BCAS3: variants seen among roughly 807,000 people sequenced by gnomAD.
BCAS3 encodes the protein BCAS3 microtubule associated cell migration factor, also known as BCAS4/BCAS3 fusion.
Under a neutral mutation model 116.1 loss-of-function variants are expected in BCAS3, and 53 were observed. The observed-to-expected ratio is 0.46, with a 90% CI of 0.37 to 0.57. BCAS3 has a LOEUF of 0.57. BCAS3 is among the 20% of genes least tolerant of loss of function. The pLI, the probability that BCAS3 is intolerant of heterozygous loss-of-function variation, is 0.00. For synonymous variants in BCAS3, 391 were observed against 408.2 expected (o/e 0.96, Z 0.51); for missense variants, 917 against 1,165.4 (o/e 0.79, Z 3.10).
chr17:60,747,655 T>A lies in BCAS3; in HGVS notation c.403+376T>A, dbSNP rs1361590108. 2.0e-5 allele frequency among the ~76,000 whole-genome samples: 3 copies of A among 152,124 alleles called. No homozygotes were observed. The East Asian group carries it at 5.8e-4, about 29-fold the overall frequency. ...TGTTATGTTTCTGGCTTAGCTTTCT[T>A]CTGTGGGTATTCCTCAAGTCTCTAT... On this transcript the variant is annotated intron_variant, in intron 6 of 23. Coordinates refer to ENST00000407086, the MANE Select transcript of BCAS3 (RefSeq NM_017679.5).
At position 60,683,959 on chromosome 17, in the gene BCAS3, T is replaced by G. The variant is rs752180398; in HGVS notation, c.84-23T>G. ...CTATATTAAGCTCTCCTGACCAGTG[T>G]TGTCCATTTCACCCTTTTCCAGAGA... On this transcript the variant is annotated intron_variant, in intron 2 of 23. Coordinates refer to ENST00000407086, the MANE Select transcript of BCAS3 (RefSeq NM_017679.5). 8 of 1,605,180 alleles carry G rather than the reference T, an allele frequency of 5.0e-6. No individual in the cohort carries two copies. The South Asian group carries it at 8.8e-5, about 18-fold the overall frequency.
rs908219903 is a variant in BCAS3 at position 61,391,748 on chromosome 17, G to T, written c.2594-229G>T. 9.0e-6 allele frequency: 5 copies of T among 555,476 alleles called. No individual in the cohort carries two copies. The highest frequency in any genetic ancestry group is 1.9e-5 in the African/African-American group (1 of 52,484). 34.4% of individuals were successfully genotyped at this position (555,476 alleles called of 1,614,324 possible). On this transcript the variant is annotated intron_variant, in intron 23 of 23. Coordinates refer to ENST00000407086, the MANE Select transcript of BCAS3 (RefSeq NM_017679.5). This position sits in a 1 kb window ranked among gnomAD's most constrained non-coding sequence, Gnocchi z 7.7. ...AAAGGGCTTCCCGCAGCAGGGAGAC[G>T]GTGCTCTCACACCAGAGTCTGCCAG...
chr17:60,939,115 C>T (rs1421257983), intron 13 of BCAS3, among the ~76,000 whole-genome samples: 1 of 152,102 alleles, frequency 6.6e-6, no homozygotes, highest in African/African-American at 2.4e-5. Context: ...ATGTTCATAG[C>T]TGTTTGAGTT....
chr17:60,775,668 C>A (rs1270310030), intron 6 of BCAS3, among the ~76,000 whole-genome samples: 1 of 151,774 alleles, frequency 6.6e-6, no homozygotes. Context: ...CAGTAACAAC[C>A]AGACACACTA....
At chr17:61,268,969 C>T (rs1019509042) in intron 22 of BCAS3, among the ~76,000 whole-genome samples, 29 of 151,956 alleles carry the variant, frequency 1.9e-4, no homozygotes, top group African/African-American at 6.5e-4. Flanking sequence ...GAATAATATT[C>T]CCCTGTATAT....
chr17:61,181,545 G>T lies in BCAS3; in HGVS notation c.2425+96981G>T, dbSNP rs2079482137. On this transcript the variant is annotated intron_variant, in intron 22 of 23. Coordinates refer to ENST00000407086, the MANE Select transcript of BCAS3 (RefSeq NM_017679.5). The surrounding 1 kb of genome is among the most constrained non-coding windows in gnomAD (Gnocchi z 5.0). ...TTTAATCATTTCCCTTTGATAGTCT[G>T]GTCATTTCTTTTGTCTTTTGAAGAA... 6.6e-6 allele frequency among the ~76,000 whole-genome samples: 1 copy of T among 152,102 alleles called. No homozygotes were observed. The highest frequency in any genetic ancestry group is 1.5e-5 in the Non-Finnish European group (1 of 68,014).
At chr17:61,042,891 CAAAAAAAAAA>C (rs35629825) in intron 19 of BCAS3, among the ~76,000 whole-genome samples, 28 of 58,320 alleles carry the variant, frequency 4.8e-4, no homozygotes, top group African/African-American at 1.4e-3. Context: ...CTCCATCTCA[CAAAAAAAAAA>C]AAAAAAAAAA....
At chr17:60,745,564 C>A (rs1412254333) in intron 5 of BCAS3, among the ~76,000 whole-genome samples, 2 of 151,934 alleles carry the variant, frequency 1.3e-5, no homozygotes, top group Non-Finnish European at 2.9e-5. Flanking sequence ...AAGACTTTTT[C>A]TAAATTTTAA....
At chr17:60,813,899 G>A (rs930777840) in intron 7 of BCAS3, among the ~76,000 whole-genome samples, 87 of 152,032 alleles carry the variant, frequency 5.7e-4, no homozygotes, top group Admixed American at 5.6e-3. Flanking sequence ...ATCTGTTTTT[G>A]TGCTGGCACC....
rs760326153 is a variant in BCAS3, at chr17:61,063,224, A to G, written c.2030-11696A>G. 2.6e-5 allele frequency among the ~76,000 whole-genome samples: 4 copies of G among 151,422 alleles called. No individual in the cohort carries two copies. The highest frequency in any genetic ancestry group is 6.6e-5 in the Admixed American group (1 of 15,206). On this transcript the variant is annotated intron_variant, in intron 19 of 23. Transcript: ENST00000407086. The surrounding 1 kb of genome is among the most constrained non-coding windows in gnomAD (Gnocchi z 5.3). ...TGTGCTTCGTCTCTTGGATCCTACT[A>G]TAACAGTAAAGCCATGGTTTATTTA...
chr17:60,722,700 G>T (rs1598299225), intron 5 of BCAS3, among the ~76,000 whole-genome samples: 1 of 151,000 alleles, frequency 6.6e-6, no homozygotes, highest in South Asian at 2.1e-4. Flanking sequence ...GGTGGAGGTT[G>T]CAGTGAGCCG....
rs1279040708 is a variant in BCAS3 at position 61,365,100 on chromosome 17, A to G, written c.2426-3227A>G. On this transcript the variant is annotated intron_variant, in intron 22 of 23. Coordinates refer to ENST00000407086, the MANE Select transcript of BCAS3 (RefSeq NM_017679.5). This position sits in a 1 kb window ranked among gnomAD's most constrained non-coding sequence, Gnocchi z 4.6. ...GTGGTTGTATTGTTTTTCCATTTTT[A>G]TGGATGAGGAATCAGAGACGCATGC... 1.3e-5 allele frequency among the ~76,000 whole-genome samples: 2 copies of G among 152,158 alleles called. No homozygotes were observed. Among genetic ancestry groups the G allele is most frequent in the East Asian group, 1.9e-4 (1 of 5,196 alleles).
intron 22 of BCAS3, among the ~76,000 whole-genome samples, chr17:61,210,101 A>G (rs2081369221): frequency 6.6e-6 from 1 of 152,224 alleles, no homozygotes; most frequent in African/African-American, 2.4e-5. Context: ...AGTTCACCAC[A>G]TTTGGGAGTT....
rs865828185 is a variant in BCAS3 at position 61,046,058 on chromosome 17, T to A, written c.2029+5166T>A. 1.5e-3 allele frequency among the ~76,000 whole-genome samples: 28 copies of A among 19,074 alleles called. 1 individual carries two copies. Among genetic ancestry groups the A allele is most frequent in the African/African-American group, 7.9e-3 (19 of 2,392 alleles). The allele number at this position is 19,074 out of a possible 152,430, so 12.5% of individuals were successfully genotyped here. On this transcript the variant is annotated intron_variant, in intron 19 of 23. Coordinates refer to ENST00000407086, the MANE Select transcript of BCAS3 (RefSeq NM_017679.5). ...ATTTATATATATATAATATATATAT[T>A]ATATATATATAATATATATATATTT... is the stretch of plus-strand genomic sequence containing the variant.
rs575251762 is a variant in BCAS3 at position 61,355,389 on chromosome 17, C to A, written c.2426-12938C>A. On this transcript the variant is annotated intron_variant, in intron 22 of 23. Coordinates refer to ENST00000407086, the MANE Select transcript of BCAS3 (RefSeq NM_017679.5). The surrounding 1 kb of genome is among the most constrained non-coding windows in gnomAD (Gnocchi z 4.2). The stretch of plus-strand genomic sequence containing the variant: ...TTTAGCTGGGTTGCTCCCTCCACCC[C>A]CTACCACCCAACTGCAAGAACACTT... Among the ~76,000 whole-genome samples, 4 of 152,184 alleles carry A rather than the reference C, an allele frequency of 2.6e-5. No homozygotes were observed. Among genetic ancestry groups the A allele is most frequent in the South Asian group, 2.1e-4 (1 of 4,816 alleles).
intron 22 of BCAS3, among the ~76,000 whole-genome samples, chr17:61,146,115 T>TG (rs905743503): frequency 4.7e-5 from 7 of 150,284 alleles, no homozygotes; most frequent in African/African-American, 7.3e-5. Context: ...GGTTTTTTGT[T>TG]TTTTTTTTTT....
intron 11 of BCAS3, among the ~76,000 whole-genome samples, chr17:60,904,652 T>G (rs1213192720): frequency 6.6e-5 from 10 of 152,110 alleles, no homozygotes; most frequent in Admixed American, 6.5e-4. Flanking sequence ...GGCAATATAG[T>G]GAGACCCTGT....
chr17:60,689,695 G>T lies in BCAS3; in HGVS notation c.148G>T (p.Gly50Ter). 6.3e-7 allele frequency: 1 copy of T among 1,599,842 alleles called. No individual in the cohort carries two copies. The highest frequency in any genetic ancestry group is 8.6e-7 in the Non-Finnish European group (1 of 1,168,102). ...LQDVVPQAYS[G>*]TPLTEEKEKI... ...TCTGTTTACTATGCAGGCTTACAGT[G>T]GAACACCTCTAACAGAAGAAAAGGA... The change falls in exon 4 of 24, where the codon GGA becomes TGA. Residue 50 changes from glycine to a stop codon, truncating the protein, a stop_gained. Transcript: ENST00000407086. LOFTEE classifies it high-confidence loss of function.
At chr17:60,783,574 C>T (rs1027635023) in intron 6 of BCAS3, among the ~76,000 whole-genome samples, 3 of 152,300 alleles carry the variant, frequency 2.0e-5, no homozygotes, top group Admixed American at 2.0e-4. Flanking sequence ...GATCTCTGTA[C>T]TTTCCTCTTT....
Sources: allele counts gnomAD v4.1 joint callset (sites outside exome capture counted in the v4.1 genomes callset), GRCh38; gene constraint gnomAD v4.1.1; non-coding constraint Gnocchi (gnomAD v3.1); transcripts MANE v1.5; gene names NCBI Gene and HGNC (gene_info 2026-07-23, HGNC 2026-07-21).